MKI67: variants seen among roughly 807,000 people sequenced by gnomAD.
MKI67 encodes marker of proliferation Ki-67.
A neutral mutation model predicts 233.5 loss-of-function variants in MKI67; 152 were observed. The ratio of observed to expected loss-of-function variants is 0.65; its 90% CI spans 0.57 to 0.74. MKI67 has a LOEUF of 0.74. MKI67 is among the 30% of genes least tolerant of loss of function. The probability of loss-of-function intolerance (pLI) is 0.00; values close to 1 mark genes in which losing one functional copy is unlikely to be tolerated. For missense variants in MKI67, 3,940 were observed against 3,885.2 expected (o/e 1.01, Z -0.37); for synonymous variants, 1,465 against 1,418.5 (o/e 1.03, Z -0.74).
intron 8 of MKI67, among the ~76,000 whole-genome samples, chr10:128,112,658 C>A (rs1451846617): frequency 6.6e-6 from 1 of 152,172 alleles, no homozygotes; most frequent in Non-Finnish European, 1.5e-5. Context: ...GAAGTGAGGT[C>A]ATTTCAGGTA....
In MKI67 at chr10:128,110,482, C is replaced by T; in HGVS notation, c.2312G>A (p.Ser771Asn). The T allele has an allele frequency of 6.3e-7, 1 of 1,579,332 alleles. No homozygotes were observed. Among genetic ancestry groups the T allele is most frequent in the Non-Finnish European group, 8.7e-7 (1 of 1,152,982 alleles). Residue 771 changes from serine to asparagine, a missense_variant, in exon 12 of 15, where the codon AGC (serine) becomes AAC (asparagine). Ser to Asn is a conservative substitution (Grantham distance 46). Coordinates refer to ENST00000368654, the MANE Select transcript of MKI67 (RefSeq NM_002417.5). ...ATTTGAAATAGCGATGTGACATGTGCTTGTCAACTGCGGTTGCTCCTTCAC... is the reference window on the plus strand; with the variant it reads ...ATTTGAAATAGCGATGTGACATGTGTTTGTCAACTGCGGTTGCTCCTTCAC... ...TPVKEQPQLT[S>N]TCHIAISNSE...
chr10:128,121,821 G>A (rs1395151484), intron 4 of MKI67, among the ~76,000 whole-genome samples: 1 of 151,210 alleles, frequency 6.6e-6, no homozygotes, highest in Admixed American at 6.6e-5. Context: ...AAATACTTAT[G>A]CCATGAGAAG....
At chr10:128,119,631 A>G (rs1940146558) in intron 4 of MKI67, among the ~76,000 whole-genome samples, 1 of 152,274 alleles carries the variant, frequency 6.6e-6, no homozygotes, top group Admixed American at 6.5e-5. Context: ...AAGCTAATGC[A>G]CATGAGAGCA....
intron 8 of MKI67, among the ~76,000 whole-genome samples, chr10:128,113,209 C>T (rs1449852094): frequency 1.3e-5 from 2 of 152,146 alleles, no homozygotes; most frequent in African/African-American, 4.8e-5. Context: ...TCAAGGACTC[C>T]CCCGACTCGG....
Position 128,115,684 on chromosome 10 carries a change from C to A in MKI67, c.724G>T (p.Glu242Ter). The A allele has an allele frequency of 6.2e-7, 1 of 1,613,914 alleles. No homozygotes were observed. ...ACATCCAACTCTTTCTTCACTGACT[C>A]ATAAAGCTTCCAAAAGGGAGATTCA... ...KNESPFWKLY[E>*]SVKKELDVKS... Residue 242 changes from glutamate (E) to a stop codon, truncating the protein, a stop_gained, in exon 7 of 15, where the codon GAG becomes TAG. Coordinates refer to ENST00000368654, the MANE Select transcript of MKI67 (RefSeq NM_002417.5). LOFTEE classifies it high-confidence loss of function.
chr10:128,111,531 C>T (rs911544727), intron 11 of MKI67, 114 bp downstream of exon 11: 13 of 957,878 alleles, frequency 1.4e-5, no homozygotes, highest in African/African-American at 1.2e-4. Flanking sequence ...GTGATTGAGT[C>T]GTTTATTTTA....
intron 2 of MKI67, among the ~76,000 whole-genome samples, chr10:128,123,647 C>T (rs2136152603): frequency 6.6e-6 from 1 of 152,344 alleles, no homozygotes; most frequent in Admixed American, 6.5e-5. Flanking sequence ...GAACCTACAT[C>T]ATGTGATGTT....
At position 128,112,323 on chromosome 10, in the gene MKI67, A is replaced by T; in HGVS notation, c.1779T>A (p.Asp593Glu). The change falls in exon 9 of 15, where the codon GAT becomes GAA. Residue 593 changes from aspartate to glutamate, a missense_variant. By Grantham distance (45) the Asp-to-Glu change is conservative (BLOSUM62 2). Coordinates refer to ENST00000368654, the MANE Select transcript of MKI67 (RefSeq NM_002417.5). Reference protein sequence around the residue: ...PSPRKTPVASDQRRRSCKTAP... With the variant: ...PSPRKTPVASEQRRRSCKTAP... ...CTGTTTTGCAGGACCTACGGCGTTG[A>T]TCACTGGCAACTGGAGTTTTCCTAG... 6.2e-7 allele frequency: 1 copy of T among 1,614,186 alleles called. No homozygotes were observed. Among genetic ancestry groups the T allele is most frequent in the Non-Finnish European group, 8.5e-7 (1 of 1,180,032 alleles).
rs146506177 is a variant in MKI67, at chr10:128,109,719, T to C, written c.2417-296A>G. Among the ~76,000 whole-genome samples, 125 of 152,340 alleles carry C rather than the reference T, an allele frequency of 8.2e-4. No homozygotes were observed. The East Asian group carries it at 0.022, about 27-fold the overall frequency. ...CAAAGGTTGCCATGCCCTGTGTCAT[T>C]GACGTAAATATAGGCATTTTTTCCT... On this transcript the variant is annotated intron_variant, in intron 12 of 14. Transcript: ENST00000368654.
rs1852751732 is a variant in MKI67, at chr10:128,114,462, A to T, written c.1480+466T>A. Among the ~76,000 whole-genome samples, 5 of 152,350 alleles carry T rather than the reference A, an allele frequency of 3.3e-5. No individual in the cohort carries two copies. In the South Asian group the frequency reaches 1.0e-3, roughly 32 times the overall value. On this transcript the variant is annotated intron_variant, in intron 7 of 14. Coordinates refer to ENST00000368654, the MANE Select transcript of MKI67 (RefSeq NM_002417.5). ...TGGGTACAGTCCAGTGTTTACAGCA[A>T]ATTGTTTGTAGGACACTCTGAAAAC...
chr10:128,122,007 TA>T lies in MKI67; in HGVS notation c.287+873del, dbSNP rs376354183. Among the ~76,000 whole-genome samples, 687 of 152,296 alleles carry T rather than the reference TA, an allele frequency of 4.5e-3. 12 individuals are homozygous for T. Among genetic ancestry groups the T allele is most frequent in the Non-Finnish European group, 3.6e-3 (246 of 68,024 alleles). ...GAAACTCGAGACGTTTATGATATCC[TA>T]AAAGCCAAAACGGTGGTTTACTTGC... On this transcript the variant is annotated intron_variant, in intron 4 of 14. Transcript: ENST00000368654.
chr10:128,112,274 G>A lies in MKI67; in HGVS notation c.1828C>T (p.Gln610Ter). ...CCTCCTCTCTTAGGAACCTCTGTCT[G>A]AGATTTGCTGCTGGAAGCAGGGGCT... is the stretch of plus-strand genomic sequence containing the variant. ...KTAPASSSKS[Q>*]TEVPKRGGRK... The change falls in exon 9 of 15, where the codon CAG becomes TAG. Residue 610 changes from glutamine (Q) to a stop codon, truncating the protein, a stop_gained. Coordinates refer to ENST00000368654, the MANE Select transcript of MKI67 (RefSeq NM_002417.5). LOFTEE classifies it high-confidence loss of function. 1 of 1,614,228 alleles carries A rather than the reference G, an allele frequency of 6.2e-7. No individual in the cohort carries two copies. The highest frequency in any genetic ancestry group is 8.5e-7 in the Non-Finnish European group (1 of 1,180,040).
rs1852603968 is a variant in MKI67, at chr10:128,109,001, C to T, written c.2839G>A (p.Ala947Thr). ...CCCCAAGTTCTTGATCTCTTCATTG[C>T]TTTCATCTTTTCATCGTTTTCTTTT... ...ELKENDEKMK[A>T]MKRSRTWGQK... Residue 947 changes from alanine (A) to threonine (T), a missense_variant, in exon 13 of 15, where the codon GCA (alanine) becomes ACA (threonine). Coordinates refer to ENST00000368654, the MANE Select transcript of MKI67 (RefSeq NM_002417.5). 8 of 1,613,994 alleles carry T rather than the reference C, an allele frequency of 5.0e-6. No homozygotes were observed. The African/African-American group carries it at 5.3e-5, about 11-fold the overall frequency.
Position 128,108,849 on chromosome 10 carries a change from A to T in MKI67, c.2991T>A (p.Ser997Arg). 3 of 1,612,732 alleles carry T rather than the reference A, an allele frequency of 1.9e-6. No homozygotes were observed. The highest frequency in any genetic ancestry group is 2.5e-6 in the Non-Finnish European group (3 of 1,179,816). ...QTQDHAKAPKSEKGKITKMPC... is the reference protein window; with the variant it reads ...QTQDHAKAPKREKGKITKMPC... ...GCATTTTAGTGATTTTGCCTTTCTCACTCTTTGGTGCCTTGGCATGATCTT... is the reference window on the plus strand; with the variant it reads ...GCATTTTAGTGATTTTGCCTTTCTCTCTCTTTGGTGCCTTGGCATGATCTT... The change falls in exon 13 of 15, where the codon AGT becomes AGA. Residue 997 changes from serine to arginine, a missense_variant. Transcript: ENST00000368654.
At position 128,099,260 on chromosome 10, in the gene MKI67, G is replaced by C; in HGVS notation, c.9706-5C>G. 1.2e-6 allele frequency: 2 copies of C among 1,608,526 alleles called. No homozygotes were observed. The highest frequency in any genetic ancestry group is 1.7e-6 in the Non-Finnish European group (2 of 1,177,702). On this transcript the variant is annotated splice_polypyrimidine_tract_variant and splice_region_variant and intron_variant, in intron 14 of 14. Transcript: ENST00000368654. ...GACACACACATTGTCCTCAGCCTGT[G>C]TGGGAAGAAAAAAAATAGAACTCTT...
At position 128,113,506 on chromosome 10, in the gene MKI67, G is replaced by A. The variant is rs934899844; in HGVS notation, c.1577C>T (p.Pro526Leu). Residue 526 changes from proline to leucine, a missense_variant, in exon 8 of 15, where the codon CCT becomes CTT. Coordinates refer to ENST00000368654, the MANE Select transcript of MKI67 (RefSeq NM_002417.5). ...GGTTGGGGCTTCTCCCCTTTTGAGA[G>A]GCGTATTAGGAGGCAAGTTTTCATC... is the stretch of plus-strand genomic sequence containing the variant. ...LFDENLPPNT[P>L]LKRGEAPTKR... 3 of 1,614,146 alleles carry A rather than the reference G, an allele frequency of 1.9e-6. No homozygotes were observed. Among genetic ancestry groups the A allele is most frequent in the African/African-American group, 2.7e-5 (2 of 75,036 alleles).
chr10:128,103,085 C>T lies in MKI67; in HGVS notation c.8755G>A (p.Ala2919Thr), dbSNP rs1356948572. The T allele has an allele frequency of 1.2e-5, 19 of 1,614,112 alleles. No homozygotes were observed. The East Asian group carries it at 4.2e-4, about 36-fold the overall frequency. ...KEKAQPLEDLASFQELSQTPG... is the reference protein window; with the variant it reads ...KEKAQPLEDLTSFQELSQTPG... ...GTTTGAGAGAGCTCTTGGAAGCTGG[C>T]CAGATCTTCCAGGGGTTGGGCCTTT... Residue 2919 changes from alanine (A) to threonine (T), a missense_variant, in exon 13 of 15, where the codon GCC becomes ACC. Physicochemically the swap from Ala to Thr is moderately conservative, Grantham distance 58 (BLOSUM62 0). Coordinates refer to ENST00000368654, the MANE Select transcript of MKI67 (RefSeq NM_002417.5).
intron 2 of MKI67, among the ~76,000 whole-genome samples, chr10:128,124,143 C>T (rs1347657085): frequency 6.6e-6 from 1 of 152,114 alleles, no homozygotes; most frequent in Non-Finnish European, 1.5e-5. Context: ...AAAAGGACTG[C>T]CACTGGAGAT....
intron 2 of MKI67, among the ~76,000 whole-genome samples, chr10:128,123,872 A>C (rs928020518): frequency 3.9e-5 from 6 of 152,380 alleles, no homozygotes; most frequent in Admixed American, 2.6e-4. Flanking sequence ...AAGTAGCAGA[A>C]GAGACAATTC....
Sources: allele counts gnomAD v4.1 joint callset (sites outside exome capture counted in the v4.1 genomes callset), GRCh38; gene constraint gnomAD v4.1.1; transcripts MANE v1.5; gene names NCBI Gene and HGNC (gene_info 2026-07-23, HGNC 2026-07-21).